Variants in GPC5 observed in about 807,000 individuals in gnomAD.
The protein encoded by GPC5 is glypican-5.
GPC5 carries 47 observed loss-of-function variants against 53.9 expected under a neutral mutation model. That is an observed-to-expected ratio of 0.87 (90% CI 0.69 to 1.11). GPC5 has a LOEUF of 1.11. Among genes scored for constraint, GPC5 ranks in the 50% most tolerant of loss-of-function variants. The probability of loss-of-function intolerance (pLI) is 0.00; values close to 1 mark genes in which losing one functional copy is unlikely to be tolerated. For synonymous variants in GPC5, 286 were observed against 263.3 expected (o/e 1.09, Z -0.84); for missense variants, 748 against 713.1 (o/e 1.05, Z -0.56).
chr13:91,581,427 G>A (rs2032356203), intron 2 of GPC5, among the ~76,000 whole-genome samples: 1 of 152,086 alleles, frequency 6.6e-6, no homozygotes, highest in African/African-American at 2.4e-5. Flanking sequence ...TCCCCCAGTT[G>A]ACCCTTATAC....
chr13:91,954,128 A>G (rs1439558242), intron 6 of GPC5, among the ~76,000 whole-genome samples: 1 of 152,194 alleles, frequency 6.6e-6, no homozygotes, highest in Non-Finnish European at 1.5e-5. Flanking sequence ...ACAATTCCAT[A>G]AGGCTTCACT....
At chr13:91,520,288 GGT>G (rs978376016) in intron 2 of GPC5, among the ~76,000 whole-genome samples, 1 of 152,194 alleles carries the variant, frequency 6.6e-6, no homozygotes, top group African/African-American at 2.4e-5. Context: ...GAAAATGATA[GGT>G]GTGTGGTGGT....
At chr13:91,897,061 T>G (rs528705774) in intron 5 of GPC5, among the ~76,000 whole-genome samples, 1 of 152,070 alleles carries the variant, frequency 6.6e-6, no homozygotes, top group Non-Finnish European at 1.5e-5. Flanking sequence ...CTCCTCCTCC[T>G]TTTTCATCAA....
At chr13:91,598,906 G>T (rs1296466235) in intron 2 of GPC5, among the ~76,000 whole-genome samples, 1 of 151,946 alleles carries the variant, frequency 6.6e-6, no homozygotes, top group African/African-American at 2.4e-5. Flanking sequence ...AACAAGATTT[G>T]CAATACTAGT....
At chr13:91,433,256 T>C (rs1879639481) in intron 1 of GPC5, among the ~76,000 whole-genome samples, 2 of 152,058 alleles carry the variant, frequency 1.3e-5, no homozygotes, top group African/African-American at 4.8e-5. Flanking sequence ...ACATGCAGGT[T>C]TGTTACATAT....
At chr13:91,936,201 A>G (rs752959178) in intron 6 of GPC5, among the ~76,000 whole-genome samples, 3 of 152,160 alleles carry the variant, frequency 2.0e-5, no homozygotes, top group East Asian at 1.9e-4. Context: ...AAACCAACCA[A>G]TAAACCTAGG....
rs1594533102 is a variant in GPC5 at position 92,827,252 on chromosome 13, C to T, written c.1562-39030C>T. On this transcript the variant is annotated intron_variant, in intron 7 of 7. Transcript: ENST00000377067. Reference sequence around the variant, plus strand: ...TGACCTTCAGAGTAGGATTTTGCATCCAGACAGAAAGCTTTCAAGACATAA... The same window carrying T: ...TGACCTTCAGAGTAGGATTTTGCATTCAGACAGAAAGCTTTCAAGACATAA... Among the ~76,000 whole-genome samples the T allele has an allele frequency of 2.0e-5, 3 of 152,148 alleles. No homozygotes were observed. In the East Asian group the frequency reaches 5.8e-4, roughly 29 times the overall value.
At chr13:92,798,610 G>A (rs1876789295) in intron 7 of GPC5, among the ~76,000 whole-genome samples, 2 of 151,662 alleles carry the variant, frequency 1.3e-5, no homozygotes. Context: ...GCTGTTTGTG[G>A]GATTTTCATA....
At chr13:91,538,934 T>C (rs1420939811) in intron 2 of GPC5, among the ~76,000 whole-genome samples, 1 of 151,990 alleles carries the variant, frequency 6.6e-6, no homozygotes, top group Non-Finnish European at 1.5e-5. Flanking sequence ...TTTATTTTTG[T>C]CTGGTTGGAA....
intron 2 of GPC5, among the ~76,000 whole-genome samples, chr13:91,559,610 A>G (rs1377783975): frequency 6.6e-6 from 1 of 152,162 alleles, no homozygotes; most frequent in Admixed American, 6.6e-5. Context: ...GTGTACATAT[A>G]CTTGGACCCA....
At chr13:92,741,806 A>G (rs1452569982) in intron 7 of GPC5, among the ~76,000 whole-genome samples, 1 of 151,946 alleles carries the variant, frequency 6.6e-6, no homozygotes, top group African/African-American at 2.4e-5. Flanking sequence ...CTCATTGTTC[A>G]ATTCCCGCCT....
intron 6 of GPC5, among the ~76,000 whole-genome samples, chr13:91,935,991 C>T (rs1275481198): frequency 6.6e-6 from 1 of 151,914 alleles, no homozygotes; most frequent in Non-Finnish European, 1.5e-5. Context: ...GAGATCCTTA[C>T]AAATATTACT....
At chr13:92,203,545 C>A (rs1287324168) in intron 7 of GPC5, among the ~76,000 whole-genome samples, 1 of 137,912 alleles carries the variant, frequency 7.3e-6, no homozygotes. Flanking sequence ...CTAGATGACA[C>A]ATTAGTGGGT....
At chr13:92,665,173 T>C (rs1425087995) in intron 7 of GPC5, among the ~76,000 whole-genome samples, 6 of 152,094 alleles carry the variant, frequency 3.9e-5, no homozygotes, top group Admixed American at 2.6e-4. Flanking sequence ...TTTATTTTTT[T>C]CCCCAGGAAC....
chr13:92,165,988 T>C (rs945901034), intron 7 of GPC5, among the ~76,000 whole-genome samples: 1 of 152,222 alleles, frequency 6.6e-6, no homozygotes, highest in African/African-American at 2.4e-5. Context: ...TAGGATTGTC[T>C]CTGCAGATTG....
At chr13:91,712,637 A>G (rs971032604) in intron 3 of GPC5, among the ~76,000 whole-genome samples, 2 of 152,184 alleles carry the variant, frequency 1.3e-5, no homozygotes, top group African/African-American at 4.8e-5. Flanking sequence ...ACAACAGAAG[A>G]TAATACAGAA....
At chr13:92,532,825 T>C (rs1881607710) in intron 7 of GPC5, among the ~76,000 whole-genome samples, 1 of 152,168 alleles carries the variant, frequency 6.6e-6, no homozygotes, top group Non-Finnish European at 1.5e-5. Context: ...CTAATTTATT[T>C]GTAAAAAAGA....
chr13:91,611,141 A>G (rs1387103761), intron 2 of GPC5, among the ~76,000 whole-genome samples: 1 of 152,230 alleles, frequency 6.6e-6, no homozygotes, highest in African/African-American at 2.4e-5. Flanking sequence ...TAATGAGGGC[A>G]TATGACATTG....
intron 6 of GPC5, among the ~76,000 whole-genome samples, chr13:91,986,986 A>T (rs958362979): frequency 6.6e-6 from 1 of 152,210 alleles, no homozygotes. Flanking sequence ...TATATCAGGG[A>T]TTAATTGTCA....
Sources: gnomAD v4.1 joint callset for allele counts (sites outside exome capture counted in the v4.1 genomes callset) on GRCh38, gnomAD v4.1.1 for gene constraint, MANE v1.5 for transcripts, NCBI Gene and HGNC (gene_info 2026-07-23, HGNC 2026-07-21) for gene names.